The following ZDHHC14 variants were observed in gnomAD, a reference collection of about 807,000 sequenced individuals.
The protein encoded by ZDHHC14 is zDHHC palmitoyltransferase 14, also known as palmitoyltransferase ZDHHC14.
In ZDHHC14, 16 loss-of-function variants were observed where a neutral mutation model predicts 47.7. The observed-to-expected ratio is 0.34, with a 90% CI of 0.23 to 0.51. The LOEUF is 0.51. ZDHHC14 is among the 20% of genes least tolerant of loss of function. ZDHHC14 has a pLI of 0.97. For synonymous variants in ZDHHC14, 293 were observed against 278.9 expected (o/e 1.05, Z -0.50); for missense variants, 515 against 662.5 (o/e 0.78, Z 2.44).
chr6:157,498,423 G>A (rs986417719), intron 1 of ZDHHC14, among the ~76,000 whole-genome samples: 5 of 152,114 alleles, frequency 3.3e-5, no homozygotes, highest in African/African-American at 4.8e-5. Flanking sequence ...GTGGAAAAGT[G>A]TAAATTGGGG....
Position 157,675,798 on chromosome 6 carries a change from G to A in ZDHHC14, c.*2676G>A, listed in dbSNP as rs565507664. On this transcript the variant is annotated 3_prime_UTR_variant, in exon 9 of 9. Transcript: ENST00000359775. ...AAATGTTGAATGGTTCCTTCTAGCTGTGGCTGAGTAGACGTTGGTGTTTCT... is the reference window on the plus strand; with the variant it reads ...AAATGTTGAATGGTTCCTTCTAGCTATGGCTGAGTAGACGTTGGTGTTTCT... 1.3e-5 allele frequency: 2 copies of A among 152,358 alleles called. 1 individual carries two copies. Among genetic ancestry groups the A allele is most frequent in the South Asian group, 4.1e-4 (2 of 4,830 alleles). The allele number at this position is 152,358 out of a possible 1,614,324, so 9.4% of individuals were successfully genotyped here.
intron 1 of ZDHHC14, among the ~76,000 whole-genome samples, chr6:157,498,833 G>T (rs1019230902): frequency 1.3e-5 from 2 of 152,134 alleles, no homozygotes; most frequent in Admixed American, 6.5e-5. Flanking sequence ...GCTAAACTTG[G>T]GACTTTATTA....
intron 2 of ZDHHC14, among the ~76,000 whole-genome samples, chr6:157,554,406 A>G (rs1401872554): frequency 1.3e-5 from 2 of 152,376 alleles, no homozygotes; most frequent in African/African-American, 4.8e-5. Flanking sequence ...AAAAAAGCAT[A>G]TTTTTAAAAG....
intron 1 of ZDHHC14, among the ~76,000 whole-genome samples, chr6:157,407,982 CTT>C (rs1304244632): frequency 6.6e-6 from 1 of 152,178 alleles, no homozygotes; most frequent in Non-Finnish European, 1.5e-5. Context: ...ATAAGAAACT[CTT>C]TGTCCTCAAG....
Position 157,650,080 on chromosome 6 carries a change from A to G in ZDHHC14, c.965+2712A>G, listed in dbSNP as rs796497209. On this transcript the variant is annotated intron_variant, in intron 7 of 8. Coordinates refer to ENST00000359775, the MANE Select transcript of ZDHHC14 (RefSeq NM_024630.3). ...GTGCCAGGCGCTGTGGGTGCACGGG[A>G]GAGGGGCTGGCTCTGTGCCAGGCAC... 1.7e-4 allele frequency among the ~76,000 whole-genome samples: 25 copies of G among 149,148 alleles called. 2 individuals are homozygous for G. Among genetic ancestry groups the G allele is most frequent in the African/African-American group, 6.2e-4 (25 of 40,238 alleles).
At chr6:157,396,654 A>T (rs1271486808) in intron 1 of ZDHHC14, among the ~76,000 whole-genome samples, 1 of 152,210 alleles carries the variant, frequency 6.6e-6, no homozygotes, top group Non-Finnish European at 1.5e-5. Flanking sequence ...CTATTTGGGA[A>T]ACACACTGAG....
At chr6:157,647,582 TG>T (rs1429168184) in intron 7 of ZDHHC14, among the ~76,000 whole-genome samples, 2 of 152,166 alleles carry the variant, frequency 1.3e-5, no homozygotes, top group African/African-American at 4.8e-5. Context: ...TGTGTCTGAT[TG>T]GGGGGAAATT....
At chr6:157,482,554 C>G (rs930717212) in intron 1 of ZDHHC14, among the ~76,000 whole-genome samples, 1 of 151,280 alleles carries the variant, frequency 6.6e-6, no homozygotes, top group Non-Finnish European at 1.5e-5. Flanking sequence ...ACGCCTGGCT[C>G]CAACGTCTAT....
intron 1 of ZDHHC14, 92 bp downstream of exon 1, chr6:157,382,358 C>A (rs1777231559): frequency 7.0e-7 from 1 of 1,436,082 alleles, no homozygotes; most frequent in Non-Finnish European, 9.5e-7. Context: ...TTCTAGAAGT[C>A]TTATCTACTG....
At chr6:157,574,459 C>T (rs1313324341) in intron 2 of ZDHHC14, among the ~76,000 whole-genome samples, 2 of 152,158 alleles carry the variant, frequency 1.3e-5, no homozygotes, top group Non-Finnish European at 2.9e-5. Flanking sequence ...TTGCTGAATA[C>T]TTACCTCCAG....
intron 1 of ZDHHC14, among the ~76,000 whole-genome samples, chr6:157,536,566 A>G (rs1312171240): frequency 6.6e-6 from 1 of 152,230 alleles, no homozygotes; most frequent in Non-Finnish European, 1.5e-5. Flanking sequence ...TCTGGAAAAC[A>G]GAGTGACCTA....
At chr6:157,485,240 G>A (rs1490878346) in intron 1 of ZDHHC14, among the ~76,000 whole-genome samples, 1 of 152,212 alleles carries the variant, frequency 6.6e-6, no homozygotes, top group Non-Finnish European at 1.5e-5. Context: ...TGGGCCTGGG[G>A]GTGCCTGTGG....
intron 4 of ZDHHC14, chr6:157,631,142 C>T (rs1435180230): frequency 3.3e-5 from 5 of 152,302 alleles, no homozygotes; most frequent in African/African-American, 1.2e-4. Flanking sequence ...CACATGCTGT[C>T]GTGCTCGCTC....
chr6:157,556,264 G>T (rs1782458788), intron 2 of ZDHHC14, among the ~76,000 whole-genome samples: 1 of 150,202 alleles, frequency 6.7e-6, no homozygotes, highest in Admixed American at 6.6e-5. Context: ...GGGGGTGGAG[G>T]GTGGGAAGGG....
At chr6:157,421,344 T>C (rs998853945) in intron 1 of ZDHHC14, among the ~76,000 whole-genome samples, 7 of 151,334 alleles carry the variant, frequency 4.6e-5, no homozygotes, top group African/African-American at 1.7e-4. Context: ...AAAAAAAAAT[T>C]TGCTGGGTGT....
intron 2 of ZDHHC14, among the ~76,000 whole-genome samples, chr6:157,563,077 C>T (rs9457806): frequency 0.61 from 91,936 of 151,618 alleles, 29,182 homozygotes; most frequent in African/African-American, 0.81. Flanking sequence ...TCCACAAGGG[C>T]CTAGTGTCTC....
At chr6:157,542,377 G>A (rs1463587607) in intron 1 of ZDHHC14, among the ~76,000 whole-genome samples, 5 of 152,294 alleles carry the variant, frequency 3.3e-5, no homozygotes, top group African/African-American at 1.2e-4. Flanking sequence ...GTCATACTGG[G>A]GAGTGGGGGT....
chr6:157,409,460 T>A lies in ZDHHC14; in HGVS notation c.245+27194T>A, dbSNP rs185109212. Among the ~76,000 whole-genome samples, 400 of 152,298 alleles carry A rather than the reference T, an allele frequency of 2.6e-3. 1 individual carries two copies. Among genetic ancestry groups the A allele is most frequent in the Middle Eastern group, 3.4e-3 (1 of 294 alleles). On this transcript the variant is annotated intron_variant, in intron 1 of 8. Transcript: ENST00000359775. ...GCTCAACAGTGTAGGTAGTGTTCTC[T>A]TAGGTGACCTTTTCTGGTGAGGGGC... is the stretch of plus-strand genomic sequence containing the variant.
intron 2 of ZDHHC14, among the ~76,000 whole-genome samples, chr6:157,570,719 A>G (rs576505360): frequency 1.9e-4 from 29 of 152,064 alleles, no homozygotes; most frequent in African/African-American, 7.0e-4. Flanking sequence ...ATTGTTTTTA[A>G]TTGTACTAAT....
Sources: gnomAD v4.1 joint callset for allele counts (sites outside exome capture counted in the v4.1 genomes callset) on GRCh38, gnomAD v4.1.1 for gene constraint, MANE v1.5 for transcripts, NCBI Gene and HGNC (gene_info 2026-07-23, HGNC 2026-07-21) for gene names.